Variants in NKAIN3 observed in about 807,000 individuals in gnomAD.
The protein encoded by NKAIN3 is sodium/potassium transporting ATPase interacting 3.
Under a neutral mutation model 30.2 loss-of-function variants are expected in NKAIN3, and 25 were observed. The observed-to-expected ratio is 0.83, with a 90% CI of 0.60 to 1.16. The LOEUF (loss-of-function observed/expected upper bound fraction) is 1.16. Among genes scored for constraint, NKAIN3 ranks in the 50% most tolerant of loss-of-function variants. NKAIN3 has a pLI of 0.00. For missense variants in NKAIN3, 225 were observed against 254.1 expected (o/e 0.89, Z 0.78); for synonymous variants, 91 against 89.6 (o/e 1.02, Z -0.09).
intron 3 of NKAIN3, among the ~76,000 whole-genome samples, chr8:62,666,690 G>A (rs1358347854): frequency 1.3e-5 from 2 of 152,142 alleles, no homozygotes; most frequent in African/African-American, 4.8e-5. Context: ...TCTAAAGGAA[G>A]TCCTAACACT....
At chr8:62,298,598 A>G (rs921776611) in intron 1 of NKAIN3, among the ~76,000 whole-genome samples, 2 of 151,958 alleles carry the variant, frequency 1.3e-5, no homozygotes, top group Non-Finnish European at 2.9e-5. Context: ...CCTAAGTCCC[A>G]TGTTCTTTCT....
At chr8:62,435,076 TAAGG>T (rs1805127461) in intron 1 of NKAIN3, among the ~76,000 whole-genome samples, 1 of 151,898 alleles carries the variant, frequency 6.6e-6, no homozygotes, top group Admixed American at 6.6e-5. Flanking sequence ...AGGGTGGAAA[TAAGG>T]AGGAGATTTT....
chr8:62,723,915 G>C (rs780377389), intron 3 of NKAIN3, among the ~76,000 whole-genome samples: 2 of 152,098 alleles, frequency 1.3e-5, no homozygotes, highest in Non-Finnish European at 2.9e-5. Context: ...ATGCTTTCTA[G>C]CAAACTACAG....
chr8:62,366,496 G>A (rs1816745439), intron 1 of NKAIN3, among the ~76,000 whole-genome samples: 1 of 152,210 alleles, frequency 6.6e-6, no homozygotes, highest in African/African-American at 2.4e-5. Context: ...AAAGTGCTGG[G>A]ATTAAAGGCG....
intron 1 of NKAIN3, among the ~76,000 whole-genome samples, chr8:62,346,370 G>T (rs1237883164): frequency 6.6e-6 from 1 of 151,914 alleles, no homozygotes; most frequent in Non-Finnish European, 1.5e-5. Context: ...ATAAGTAAAA[G>T]AAAAATTTTT....
chr8:62,572,444 C>T (rs1809974098), intron 1 of NKAIN3, among the ~76,000 whole-genome samples: 1 of 152,194 alleles, frequency 6.6e-6, no homozygotes, highest in Non-Finnish European at 1.5e-5. Context: ...CCAAACTGTT[C>T]CAACCTCTGC....
chr8:62,378,858 T>A lies in NKAIN3; in HGVS notation c.54+129731T>A, dbSNP rs547205953. On this transcript the variant is annotated intron_variant, in intron 1 of 6. Coordinates refer to ENST00000623646, the MANE Select transcript of NKAIN3 (RefSeq NM_001304533.3). The stretch of plus-strand genomic sequence containing the variant: ...TCAGAGCCCCCACACAAAGTCCCAC[T>A]GGGGCACTGCATAGTGGAACTCTGA... Among the ~76,000 whole-genome samples, 3 of 152,268 alleles carry A rather than the reference T, an allele frequency of 2.0e-5. No individual in the cohort carries two copies. The East Asian group carries it at 5.8e-4, about 30-fold the overall frequency.
intron 1 of NKAIN3, among the ~76,000 whole-genome samples, chr8:62,373,641 C>T (rs16928787): frequency 0.11 from 17,210 of 152,154 alleles, 1,515 homozygotes; most frequent in African/African-American, 0.24. Context: ...GGTTGCAAGG[C>T]AAGCAAAGCA....
intron 1 of NKAIN3, among the ~76,000 whole-genome samples, chr8:62,327,253 C>A (rs1815174130): frequency 6.6e-6 from 1 of 151,778 alleles, no homozygotes; most frequent in African/African-American, 2.4e-5. Flanking sequence ...ATACTTTGTC[C>A]CATTCCGTGG....
chr8:62,883,457 G>GTTT (rs71559381), intron 4 of NKAIN3, among the ~76,000 whole-genome samples: 5 of 70,224 alleles, frequency 7.1e-5, no homozygotes, highest in Non-Finnish European at 1.2e-4. Flanking sequence ...AGTTTTATGG[G>GTTT]TTTTTTTTTT....
chr8:62,341,803 G>T (rs1351596546), intron 1 of NKAIN3, among the ~76,000 whole-genome samples: 2 of 151,954 alleles, frequency 1.3e-5, no homozygotes, highest in African/African-American at 2.4e-5. Flanking sequence ...GAGGTTCATT[G>T]TGTTTCTCTT....
chr8:62,615,226 C>A (rs965175744), intron 3 of NKAIN3, among the ~76,000 whole-genome samples: 2 of 152,130 alleles, frequency 1.3e-5, no homozygotes, highest in African/African-American at 4.8e-5. Flanking sequence ...GTGAATGCTG[C>A]CAGGACTGGG....
chr8:62,628,448 G>T (rs539323633), intron 3 of NKAIN3, among the ~76,000 whole-genome samples: 7 of 152,068 alleles, frequency 4.6e-5, no homozygotes, highest in African/African-American at 9.7e-5. Flanking sequence ...GTTTCTTGAC[G>T]AATGATCCCA....
chr8:62,752,363 G>A (rs139107674), intron 4 of NKAIN3, among the ~76,000 whole-genome samples: 143 of 152,262 alleles, frequency 9.4e-4, no homozygotes, highest in African/African-American at 3.2e-3. Context: ...CATTCTGGTG[G>A]CACTCCATCT....
At chr8:62,952,252 G>A (rs1823303114) in intron 5 of NKAIN3, among the ~76,000 whole-genome samples, 1 of 150,908 alleles carries the variant, frequency 6.6e-6, no homozygotes. Flanking sequence ...TACAACATAT[G>A]GGTTAAAAAA....
At chr8:62,465,272 T>G (rs1806127971) in intron 1 of NKAIN3, among the ~76,000 whole-genome samples, 1 of 152,164 alleles carries the variant, frequency 6.6e-6, no homozygotes, top group Admixed American at 6.5e-5. Context: ...TTACTAGAAT[T>G]TAACCTCCCC....
Position 62,961,217 on chromosome 8 carries a change from T to C in NKAIN3, c.604-4137T>C, listed in dbSNP as rs536223819. 1.1e-4 allele frequency among the ~76,000 whole-genome samples: 16 copies of C among 151,606 alleles called. No individual in the cohort carries two copies. In the South Asian group the frequency reaches 2.1e-3, roughly 20 times the overall value. ...AACCACTTGAACCCGGAGGCAGAGG[T>C]TTCAGTGAGCCGAGATAGTGCCACT... On this transcript the variant is annotated intron_variant, in intron 6 of 6. Coordinates refer to ENST00000623646, the MANE Select transcript of NKAIN3 (RefSeq NM_001304533.3).
At chr8:62,385,348 T>C (rs909745707) in intron 1 of NKAIN3, among the ~76,000 whole-genome samples, 1 of 152,134 alleles carries the variant, frequency 6.6e-6, no homozygotes, top group Non-Finnish European at 1.5e-5. Context: ...ATGGTGGGTA[T>C]TGTTCTCTCC....
intron 4 of NKAIN3, among the ~76,000 whole-genome samples, chr8:62,834,903 A>G (rs1183918017): frequency 2.6e-5 from 4 of 152,034 alleles, no homozygotes; most frequent in African/African-American, 7.2e-5. Context: ...CAAAGCCTGA[A>G]GCATCACATT....
Sources: gnomAD v4.1 joint callset for allele counts (sites outside exome capture counted in the v4.1 genomes callset) on GRCh38, gnomAD v4.1.1 for gene constraint, MANE v1.5 for transcripts, NCBI Gene and HGNC (gene_info 2026-07-23, HGNC 2026-07-21) for gene names.